The following CCDC178 variants were observed in gnomAD, a reference collection of about 807,000 sequenced individuals.
The protein encoded by CCDC178 is coiled-coil domain-containing protein 178.
A neutral mutation model predicts 117.4 loss-of-function variants in CCDC178; 126 were observed. The observed-to-expected ratio is 1.07, with a 90% CI of 0.93 to 1.24. The LOEUF is 1.24. Ranked by LOEUF, CCDC178 falls within the 50% of genes most tolerant of loss-of-function variation. The pLI is 0.00. For synonymous variants in CCDC178, 283 were observed against 313.4 expected (o/e 0.90, Z 1.02); for missense variants, 1,030 against 986.9 (o/e 1.04, Z -0.59).
At chr18:33,354,345 T>C (rs28880646) in intron 7 of CCDC178, among the ~76,000 whole-genome samples, 10,693 of 152,194 alleles carry the variant, frequency 0.07, 1,199 homozygotes, top group African/African-American at 0.24. Context: ...TTGAAGAGTT[T>C]CTTAGCCATT....
At chr18:33,115,079 C>T (rs1371176542) in intron 20 of CCDC178, among the ~76,000 whole-genome samples, 1 of 152,024 alleles carries the variant, frequency 6.6e-6, no homozygotes, top group Non-Finnish European at 1.5e-5. Flanking sequence ...CAGCATTTCC[C>T]TCTCTAAAAC....
chr18:33,342,269 G>A (rs2062826655), intron 9 of CCDC178, among the ~76,000 whole-genome samples: 1 of 152,002 alleles, frequency 6.6e-6, no homozygotes, highest in Non-Finnish European at 1.5e-5. Context: ...GAATTCTACA[G>A]AATAAATAAT....
At chr18:33,384,930 C>T (rs2144806530) in intron 5 of CCDC178, among the ~76,000 whole-genome samples, 1 of 152,246 alleles carries the variant, frequency 6.6e-6, no homozygotes, top group East Asian at 1.9e-4. Flanking sequence ...AAGCTGGATA[C>T]AAAGATGGAA....
chr18:33,301,690 T>G (rs1034258272), intron 11 of CCDC178, among the ~76,000 whole-genome samples: 1 of 152,212 alleles, frequency 6.6e-6, no homozygotes, highest in African/African-American at 2.4e-5. Context: ...ATTTCAGACT[T>G]TTATGAGGCC....
At chr18:33,326,523 G>A (rs990629747) in intron 10 of CCDC178, among the ~76,000 whole-genome samples, 1 of 152,016 alleles carries the variant, frequency 6.6e-6, no homozygotes, top group African/African-American at 2.4e-5. Flanking sequence ...AGTGTCCTTG[G>A]AAGCCTTGTT....
At chr18:33,107,207 AG>A (rs1324573916) in intron 20 of CCDC178, among the ~76,000 whole-genome samples, 1 of 151,714 alleles carries the variant, frequency 6.6e-6, no homozygotes, top group Non-Finnish European at 1.5e-5. Context: ...GTGGCAACCC[AG>A]GTAACTGTGT....
chr18:33,084,876 A>G (rs2057354177), intron 21 of CCDC178, among the ~76,000 whole-genome samples: 1 of 151,902 alleles, frequency 6.6e-6, no homozygotes, highest in Admixed American at 6.6e-5. Context: ...TGCTGAGTCT[A>G]TCCCTCATGC....
At chr18:33,160,632 C>T (rs1030629806) in intron 20 of CCDC178, among the ~76,000 whole-genome samples, 10 of 152,018 alleles carry the variant, frequency 6.6e-5, no homozygotes, top group African/African-American at 1.2e-4. Context: ...GTTCTGGGCT[C>T]GGGGTTTATT....
At chr18:33,305,218 C>T (rs1599133950) in intron 11 of CCDC178, among the ~76,000 whole-genome samples, 2 of 152,174 alleles carry the variant, frequency 1.3e-5, no homozygotes, top group East Asian at 3.9e-4. Context: ...TAAGGGTTTA[C>T]AACCGCATCT....
chr18:33,356,848 T>C (rs1033821704), intron 6 of CCDC178, among the ~76,000 whole-genome samples: 8 of 152,164 alleles, frequency 5.3e-5, no homozygotes, highest in African/African-American at 1.7e-4. Context: ...AAACCGTCTC[T>C]TGTGGCAGAA....
intron 20 of CCDC178, among the ~76,000 whole-genome samples, chr18:33,125,760 C>A (rs2057997239): frequency 6.6e-6 from 1 of 152,168 alleles, no homozygotes; most frequent in East Asian, 1.9e-4. Flanking sequence ...GACAGCTTTT[C>A]AGAGCATGTG....
At chr18:32,998,504 A>G (rs1024130981) in intron 21 of CCDC178, among the ~76,000 whole-genome samples, 1 of 152,168 alleles carries the variant, frequency 6.6e-6, no homozygotes, top group Non-Finnish European at 1.5e-5. Context: ...TGGAGCAGTC[A>G]AGAGAGTGTT....
chr18:33,245,531 T>C (rs2059540049), intron 14 of CCDC178, 103 bp from the exon 15 acceptor site: 2 of 1,180,794 alleles, frequency 1.7e-6, no homozygotes, highest in African/African-American at 1.6e-5. Flanking sequence ...TTGTCAAAAA[T>C]ACAAAATTGC....
At chr18:33,114,706 A>T (rs2057829685) in intron 20 of CCDC178, among the ~76,000 whole-genome samples, 1 of 152,084 alleles carries the variant, frequency 6.6e-6, no homozygotes, top group African/African-American at 2.4e-5. Flanking sequence ...AAAAATGTTT[A>T]AATTTTTTAA....
chr18:33,292,734 T>C (rs936887573), intron 12 of CCDC178, among the ~76,000 whole-genome samples: 7 of 152,224 alleles, frequency 4.6e-5, no homozygotes, highest in Middle Eastern at 3.4e-3. Flanking sequence ...GAAGAAGTTT[T>C]TGTCTGAAGT....
At chr18:33,263,277 T>C (rs1051797647) in intron 14 of CCDC178, among the ~76,000 whole-genome samples, 25 of 152,234 alleles carry the variant, frequency 1.6e-4, no homozygotes, top group Admixed American at 1.3e-4. Flanking sequence ...TTATACTGAA[T>C]CAAATTCTAT....
chr18:33,037,107 T>A (rs951177562), intron 21 of CCDC178, among the ~76,000 whole-genome samples: 12 of 152,040 alleles, frequency 7.9e-5, no homozygotes, highest in African/African-American at 2.9e-4. Context: ...AATCCACACA[T>A]ATAAGCATCG....
At chr18:32,970,369 G>A (rs1438972183) in intron 22 of CCDC178, among the ~76,000 whole-genome samples, 2 of 151,592 alleles carry the variant, frequency 1.3e-5, no homozygotes, top group Non-Finnish European at 2.9e-5. Context: ...CTCAATATTG[G>A]TTATATACAA....
chr18:33,071,276 T>A (rs2057104364), intron 21 of CCDC178, among the ~76,000 whole-genome samples: 1 of 152,088 alleles, frequency 6.6e-6, no homozygotes, highest in African/African-American at 2.4e-5. Flanking sequence ...GATCTGTCTA[T>A]ATATAAAATT....
Sources: allele counts gnomAD v4.1 joint callset (sites outside exome capture counted in the v4.1 genomes callset), GRCh38; gene constraint gnomAD v4.1.1; transcripts MANE v1.5; gene names NCBI Gene and HGNC (gene_info 2026-07-23, HGNC 2026-07-21).